Variants in TMEM132D observed in about 807,000 individuals in gnomAD.
TMEM132D encodes the protein transmembrane protein 132D.
Under a neutral mutation model 62.3 loss-of-function variants are expected in TMEM132D, and 21 were observed. The observed-to-expected ratio is 0.34, with a 90% CI of 0.24 to 0.49. The LOEUF (loss-of-function observed/expected upper bound fraction) is 0.49, where lower values mean the gene tolerates loss of function less well. Ranked by LOEUF, TMEM132D falls within the 20% of genes least tolerant of loss-of-function variation. The pLI, the probability that TMEM132D is intolerant of heterozygous loss-of-function variation, is 0.99. For missense variants in TMEM132D, 1,346 were observed against 1,402.8 expected (o/e 0.96, Z 0.65); for synonymous variants, 621 against 575.6 (o/e 1.08, Z -1.13).
At chr12:129,807,049 G>A (rs992037800) in intron 1 of TMEM132D, among the ~76,000 whole-genome samples, 2 of 151,964 alleles carry the variant, frequency 1.3e-5, no homozygotes, top group African/African-American at 2.4e-5. Flanking sequence ...ATGAATGAAT[G>A]AATAAATAAA....
intron 2 of TMEM132D, among the ~76,000 whole-genome samples, chr12:129,565,352 T>A (rs747205100): frequency 6.6e-6 from 1 of 152,146 alleles, no homozygotes; most frequent in Non-Finnish European, 1.5e-5. Context: ...AAGAAAGAGT[T>A]TGACCCAATA....
At chr12:129,393,023 C>T (rs1295288479) in intron 3 of TMEM132D, among the ~76,000 whole-genome samples, 5 of 152,204 alleles carry the variant, frequency 3.3e-5, no homozygotes, top group Non-Finnish European at 5.9e-5. Context: ...AGTCCTAGAA[C>T]GAACAGACTT....
At chr12:129,628,783 A>C (rs1466007234) in intron 2 of TMEM132D, among the ~76,000 whole-genome samples, 1 of 152,016 alleles carries the variant, frequency 6.6e-6, no homozygotes. Flanking sequence ...ATCTTCCTAC[A>C]TACCTGCTGC....
rs1226501299 is a variant in TMEM132D, at chr12:129,746,926, G to T, written c.80-46228C>A. ...GTCCAATTTATCACCCAATCCTATC[G>T]GCTCCACATTCACCACGTCTGCCCA... On this transcript the variant is annotated intron_variant, in intron 1 of 8. Coordinates refer to ENST00000422113, the MANE Select transcript of TMEM132D (RefSeq NM_133448.3). Among the ~76,000 whole-genome samples, 5 of 151,914 alleles carry T rather than the reference G, an allele frequency of 3.3e-5. No individual in the cohort carries two copies. The East Asian group carries it at 9.7e-4, about 29-fold the overall frequency.
chr12:129,197,093 G>A (rs912606699), intron 5 of TMEM132D, among the ~76,000 whole-genome samples: 2 of 152,190 alleles, frequency 1.3e-5, no homozygotes, highest in African/African-American at 4.8e-5. Context: ...TCTCACAACA[G>A]CTCAACTCTG....
intron 1 of TMEM132D, among the ~76,000 whole-genome samples, chr12:129,717,990 G>A (rs1000370695): frequency 1.3e-5 from 2 of 152,328 alleles, no homozygotes; most frequent in East Asian, 3.9e-4. Context: ...TAATCAACAC[G>A]AAGGTGCGTT....
chr12:129,605,996 C>G (rs1031084043), intron 2 of TMEM132D, among the ~76,000 whole-genome samples: 2 of 152,078 alleles, frequency 1.3e-5, no homozygotes, highest in African/African-American at 4.8e-5. Context: ...AATTAACAAT[C>G]AACATACCAT....
intron 2 of TMEM132D, among the ~76,000 whole-genome samples, chr12:129,550,821 A>G (rs1242290062): frequency 6.6e-6 from 1 of 152,174 alleles, no homozygotes; most frequent in Non-Finnish European, 1.5e-5. Flanking sequence ...GATGACCACA[A>G]CAGTATATAC....
At chr12:129,871,485 TTC>T (rs1403399449) in intron 1 of TMEM132D, among the ~76,000 whole-genome samples, 1 of 152,086 alleles carries the variant, frequency 6.6e-6, no homozygotes, top group Non-Finnish European at 1.5e-5. Context: ...GAATCCCCCT[TTC>T]TGTTTCAGAT....
chr12:129,318,964 T>C (rs1868580463), intron 4 of TMEM132D, among the ~76,000 whole-genome samples: 1 of 152,064 alleles, frequency 6.6e-6, no homozygotes, highest in South Asian at 2.1e-4. Flanking sequence ...CTGGTTTCAC[T>C]CCCATTGTGC....
intron 4 of TMEM132D, among the ~76,000 whole-genome samples, chr12:129,222,505 C>T (rs1159464385): frequency 6.6e-6 from 1 of 152,156 alleles, no homozygotes. Flanking sequence ...CAGTTTTAGA[C>T]TTTAGCTACT....
chr12:129,103,453 A>G (rs1285035527), intron 5 of TMEM132D, among the ~76,000 whole-genome samples: 3 of 152,148 alleles, frequency 2.0e-5, no homozygotes, highest in African/African-American at 7.2e-5. Flanking sequence ...GCTGAGCAGC[A>G]AGCTCTCCTT....
intron 8 of TMEM132D, among the ~76,000 whole-genome samples, chr12:129,076,711 T>C (rs1290087478): frequency 6.6e-6 from 1 of 152,202 alleles, no homozygotes; most frequent in Non-Finnish European, 1.5e-5. Context: ...TTCTTGAAAC[T>C]ACCACTGTCA....
intron 2 of TMEM132D, among the ~76,000 whole-genome samples, chr12:129,585,485 G>A (rs1285855563): frequency 6.6e-6 from 1 of 152,176 alleles, no homozygotes; most frequent in Non-Finnish European, 1.5e-5. Flanking sequence ...GCTGCGTGTG[G>A]GCCGCGCGTT....
chr12:129,668,738 T>A (rs1245250197), intron 2 of TMEM132D, among the ~76,000 whole-genome samples: 1 of 152,250 alleles, frequency 6.6e-6, no homozygotes, highest in Admixed American at 6.5e-5. Context: ...TATGGCAGTA[T>A]AGTTAATTGC....
At position 129,780,575 on chromosome 12, in the gene TMEM132D, T is replaced by A. The variant is rs538702005; in HGVS notation, c.80-79877A>T. 4.6e-5 allele frequency among the ~76,000 whole-genome samples: 7 copies of A among 152,114 alleles called. No homozygotes were observed. The South Asian group carries it at 1.5e-3, about 32-fold the overall frequency. On this transcript the variant is annotated intron_variant, in intron 1 of 8. Coordinates refer to ENST00000422113, the MANE Select transcript of TMEM132D (RefSeq NM_133448.3). ...GAGACCCTGCTGCCATCTGGCTGCT[T>A]CCCCAAACTTTGCTTTACTTGCCTG...
At chr12:129,836,328 C>T (rs561014000) in intron 1 of TMEM132D, among the ~76,000 whole-genome samples, 10 of 152,146 alleles carry the variant, frequency 6.6e-5, no homozygotes, top group Non-Finnish European at 1.3e-4. Flanking sequence ...ACATTTGGAG[C>T]TGAGACCTTG....
At chr12:129,385,741 G>T (rs1273007792) in intron 3 of TMEM132D, among the ~76,000 whole-genome samples, 3 of 152,176 alleles carry the variant, frequency 2.0e-5, no homozygotes, top group African/African-American at 7.2e-5. Flanking sequence ...TGAACTGTTT[G>T]CTCAGAAGGC....
intron 2 of TMEM132D, among the ~76,000 whole-genome samples, chr12:129,615,742 T>C (rs1236278034): frequency 6.6e-6 from 1 of 150,446 alleles, no homozygotes; most frequent in South Asian, 2.1e-4. Context: ...ACAGCCTGGA[T>C]GACAGAGCAA....
Sources: allele counts gnomAD v4.1 joint callset (sites outside exome capture counted in the v4.1 genomes callset), GRCh38; gene constraint gnomAD v4.1.1; transcripts MANE v1.5; gene names NCBI Gene and HGNC (gene_info 2026-07-23, HGNC 2026-07-21).